Variants in PCDHA2 observed in about 807,000 individuals in gnomAD.
The protein encoded by PCDHA2 is protocadherin alpha 2, also known as protocadherin alpha-2.
PCDHA2 carries 58 observed loss-of-function variants against 66.0 expected under a neutral mutation model. That is an observed-to-expected ratio of 0.88 (90% CI 0.71 to 1.09). The LOEUF (loss-of-function observed/expected upper bound fraction) is 1.09. PCDHA2 is among the 50% of genes least tolerant of loss of function. The pLI is 0.00. For synonymous variants in PCDHA2, 634 were observed against 554.0 expected, an observed-to-expected ratio of 1.14 and a Z score of -2.03; for missense variants, 1,267 against 1,242.3, an observed-to-expected ratio of 1.02 and a Z score of -0.30.
chr5:140,835,664 G>A (rs2150241207), intron 1 of PCDHA2: 1 of 1,613,934 alleles, frequency 6.2e-7, no homozygotes, highest in Non-Finnish European at 8.5e-7. Flanking sequence ...TGGTTACCGC[G>A]CGGGACGGGG....
intron 1 of PCDHA2, chr5:140,856,779 C>T (rs1554149103): frequency 6.3e-7 from 1 of 1,596,160 alleles, no homozygotes; most frequent in East Asian, 2.2e-5. Context: ...TTTGACAGAC[C>T]GGTTTATGAA....
chr5:140,851,300 A>G (rs2042018039), intron 1 of PCDHA2: 2 of 1,017,502 alleles, frequency 2.0e-6, no homozygotes, highest in East Asian at 1.2e-4. Context: ...GCAAAAATAT[A>G]TAGCAATTGT....
At chr5:140,808,654 G>A in intron 1 of PCDHA2, 1 of 1,613,224 alleles carries the variant, frequency 6.2e-7, no homozygotes, top group Non-Finnish European at 8.5e-7. Flanking sequence ...AGAACGCGCT[G>A]GTGTCCTACT....
At chr5:141,006,299 C>T (rs2098266808) in intron 3 of PCDHA2, among the ~76,000 whole-genome samples, 1 of 152,064 alleles carries the variant, frequency 6.6e-6, no homozygotes, top group Non-Finnish European at 1.5e-5. Flanking sequence ...GCAAGCTCCA[C>T]TTCCCGGGTT....
chr5:140,917,041 A>G (rs891465527), intron 1 of PCDHA2, among the ~76,000 whole-genome samples: 11 of 152,096 alleles, frequency 7.2e-5, no homozygotes, highest in Non-Finnish European at 1.6e-4. Flanking sequence ...AGTCCAGCAC[A>G]GTGTTGTTCC....
intron 1 of PCDHA2, chr5:140,871,672 T>C (rs2053253410): frequency 2.6e-6 from 3 of 1,153,066 alleles, no homozygotes; most frequent in Non-Finnish European, 3.6e-6. Flanking sequence ...AGTCTTTTAA[T>C]CATATGAATA....
At chr5:140,872,883 A>G (rs1249618014) in intron 1 of PCDHA2, among the ~76,000 whole-genome samples, 1 of 152,204 alleles carries the variant, frequency 6.6e-6, no homozygotes, top group Non-Finnish European at 1.5e-5. Flanking sequence ...AGTTTCATTC[A>G]TCTCACTTTG....
At chr5:140,836,314 G>T (rs2150257460) in intron 1 of PCDHA2, 2 of 1,613,658 alleles carry the variant, frequency 1.2e-6, no homozygotes, top group South Asian at 1.1e-5. Flanking sequence ...GACGCACCGC[G>T]CCACCGCCTT....
At chr5:140,823,154 C>A in intron 1 of PCDHA2, 3 of 1,613,878 alleles carry the variant, frequency 1.9e-6, no homozygotes, top group Non-Finnish European at 2.5e-6. Flanking sequence ...CCCCAGTATA[C>A]CGTGTTCGTG....
chr5:140,822,200 T>G, intron 1 of PCDHA2: 1 of 1,614,242 alleles, frequency 6.2e-7, no homozygotes, highest in Non-Finnish European at 8.5e-7. Flanking sequence ...TTATTCATTT[T>G]AGAGTCAAGA....
At chr5:140,836,286 C>T (rs146878440) in intron 1 of PCDHA2, 2 of 1,613,774 alleles carry the variant, frequency 1.2e-6, no homozygotes, top group South Asian at 1.1e-5. Context: ...CAGCACGACA[C>T]GAGCCCTAGA....
intron 1 of PCDHA2, among the ~76,000 whole-genome samples, chr5:140,923,099 G>A (rs1164124655): frequency 6.6e-6 from 1 of 152,168 alleles, no homozygotes; most frequent in Non-Finnish European, 1.5e-5. Flanking sequence ...ACCAATGGGA[G>A]TATGATTTTA....
intron 1 of PCDHA2, among the ~76,000 whole-genome samples, chr5:140,827,392 T>G (rs1346969043): frequency 6.6e-6 from 1 of 152,178 alleles, no homozygotes; most frequent in Non-Finnish European, 1.5e-5. Context: ...TGCAGATAAA[T>G]TAAATGTGAT....
intron 3 of PCDHA2, among the ~76,000 whole-genome samples, chr5:141,000,481 G>A (rs1475922134): frequency 1.5e-5 from 2 of 133,428 alleles, no homozygotes; most frequent in African/African-American, 2.8e-5. Context: ...AAGCTGGAGT[G>A]CAATGGTAAG....
chr5:140,831,517 C>A (rs1771584524), intron 1 of PCDHA2, among the ~76,000 whole-genome samples: 3 of 130,048 alleles, frequency 2.3e-5, no homozygotes, highest in South Asian at 5.1e-4. Flanking sequence ...CCATGCCCCC[C>A]ACCTTTTTTT....
Position 140,870,192 on chromosome 5 carries a change from G to T in PCDHA2, c.2388+72840G>T. 6 of 1,614,158 alleles carry T rather than the reference G, an allele frequency of 3.7e-6. No homozygotes were observed. Among genetic ancestry groups the T allele is most frequent in the Non-Finnish European group, 5.1e-6 (6 of 1,180,034 alleles). ...CCCTCCCAGTACGAGAGGACGCTCAGCCCAGCACGGTCATTGCCCTGATCA... is the reference window on the plus strand; with the variant it reads ...CCCTCCCAGTACGAGAGGACGCTCATCCCAGCACGGTCATTGCCCTGATCA... On this transcript the variant is annotated intron_variant, in intron 1 of 3. Coordinates refer to ENST00000526136, the MANE Select transcript of PCDHA2 (RefSeq NM_018905.3).
intron 3 of PCDHA2, among the ~76,000 whole-genome samples, chr5:140,983,909 C>G (rs2097076070): frequency 6.6e-6 from 1 of 152,226 alleles, no homozygotes. Flanking sequence ...TGATTCTAAT[C>G]AGCCAGGATT....
chr5:140,858,149 G>C, intron 1 of PCDHA2: 1 of 1,597,572 alleles, frequency 6.3e-7, no homozygotes, highest in Non-Finnish European at 8.6e-7. Context: ...CCTGATCATC[G>C]CCATCTGCGC....
chr5:140,838,098 G>T (rs1775538367), intron 1 of PCDHA2, among the ~76,000 whole-genome samples: 1 of 147,360 alleles, frequency 6.8e-6, no homozygotes, highest in African/African-American at 2.6e-5. Flanking sequence ...GTGTGTGTGT[G>T]TGTGTGTGTG....
Sources: gnomAD v4.1 joint callset for allele counts (sites outside exome capture counted in the v4.1 genomes callset) on GRCh38, gnomAD v4.1.1 for gene constraint, MANE v1.5 for transcripts, NCBI Gene and HGNC (gene_info 2026-07-23, HGNC 2026-07-21) for gene names.